FOXN3: variants seen among roughly 807,000 people sequenced by gnomAD.
FOXN3 encodes forkhead box protein N3.
Under a neutral mutation model 38.4 loss-of-function variants are expected in FOXN3, and 7 were observed. The ratio of observed to expected loss-of-function variants is 0.18; its 90% CI spans 0.10 to 0.34. The LOEUF (loss-of-function observed/expected upper bound fraction) is 0.34. FOXN3 is among the 10% of genes least tolerant of loss of function. The pLI is 1.00. For missense variants in FOXN3, 456 were observed against 613.4 expected (o/e 0.74, Z 2.71); for synonymous variants, 230 against 242.2 (o/e 0.95, Z 0.47).
chr14:89,416,653 A>G (rs1891739851), intron 1 of FOXN3, among the ~76,000 whole-genome samples: 1 of 152,090 alleles, frequency 6.6e-6, no homozygotes, highest in Non-Finnish European at 1.5e-5. Flanking sequence ...AGGCACCGGG[A>G]AGCAGCACGC....
At chr14:89,547,425 T>G (rs982340853) in intron 1 of FOXN3, among the ~76,000 whole-genome samples, 1 of 151,884 alleles carries the variant, frequency 6.6e-6, no homozygotes, top group Non-Finnish European at 1.5e-5. Context: ...TGGCTAATTG[T>G]TTTTTTGTTT....
intron 1 of FOXN3, among the ~76,000 whole-genome samples, chr14:89,474,496 C>A (rs1459486823): frequency 6.6e-6 from 1 of 152,152 alleles, no homozygotes; most frequent in African/African-American, 2.4e-5. Flanking sequence ...AAGAACTGTA[C>A]AAATAAAAGC....
At chr14:89,195,452 C>T (rs983133943) in intron 4 of FOXN3, among the ~76,000 whole-genome samples, 1 of 152,180 alleles carries the variant, frequency 6.6e-6, no homozygotes, top group African/African-American at 2.4e-5. Flanking sequence ...GATGCAGGCA[C>T]GCTATTGTGG....
chr14:89,345,457 T>C (rs995985196), intron 3 of FOXN3, among the ~76,000 whole-genome samples: 1 of 152,144 alleles, frequency 6.6e-6, no homozygotes, highest in African/African-American at 2.4e-5. Flanking sequence ...ATATTACTAA[T>C]AAGGCACTTG....
At chr14:89,510,757 C>A (rs1894040150) in intron 1 of FOXN3, among the ~76,000 whole-genome samples, 1 of 152,152 alleles carries the variant, frequency 6.6e-6, no homozygotes, top group African/African-American at 2.4e-5. Flanking sequence ...CCCTGGCCAA[C>A]ATGGTGAAAC....
At chr14:89,423,076 G>A (rs1891949351) in intron 1 of FOXN3, among the ~76,000 whole-genome samples, 3 of 152,304 alleles carry the variant, frequency 2.0e-5, no homozygotes, top group South Asian at 4.1e-4. Context: ...AAGAGTGGAG[G>A]GGACTGGGAA....
chr14:89,279,658 T>C (rs1383216666), intron 4 of FOXN3, among the ~76,000 whole-genome samples: 1 of 152,132 alleles, frequency 6.6e-6, no homozygotes, highest in African/African-American at 2.4e-5. Flanking sequence ...TTTTTGAGAG[T>C]GGAGGGACTT....
intron 1 of FOXN3, among the ~76,000 whole-genome samples, chr14:89,547,486 TG>T (rs547729564): frequency 1.3e-3 from 199 of 150,412 alleles, no homozygotes; most frequent in South Asian, 4.4e-3. Flanking sequence ...TTAGTAGAGA[TG>T]GGGTTTCACC....
intron 4 of FOXN3, among the ~76,000 whole-genome samples, chr14:89,232,593 T>C (rs912104985): frequency 5.9e-5 from 9 of 152,232 alleles, no homozygotes; most frequent in Non-Finnish European, 8.8e-5. Context: ...CCCAGAGTTG[T>C]GCAAACCATT....
At chr14:89,498,142 C>T (rs1021506601) in intron 1 of FOXN3, among the ~76,000 whole-genome samples, 10 of 151,272 alleles carry the variant, frequency 6.6e-5, no homozygotes, top group Non-Finnish European at 1.0e-4. Context: ...GGATATTTAT[C>T]CCTTATCAAA....
intron 4 of FOXN3, among the ~76,000 whole-genome samples, chr14:89,227,223 T>G (rs1884668943): frequency 2.0e-5 from 3 of 152,146 alleles, no homozygotes; most frequent in Non-Finnish European, 4.4e-5. Flanking sequence ...AGGAGGAATT[T>G]TAAGCTGTTC....
chr14:89,357,309 TA>T (rs1370832997), intron 2 of FOXN3, among the ~76,000 whole-genome samples: 3 of 151,568 alleles, frequency 2.0e-5, no homozygotes, highest in Non-Finnish European at 4.4e-5. Context: ...GTCTCTTTCT[TA>T]AAAAAAGGAG....
upstream of FOXN3, among the ~76,000 whole-genome samples, chr14:89,418,827 C>A (rs1017712425): frequency 4.6e-5 from 7 of 152,130 alleles, no homozygotes; most frequent in African/African-American, 1.7e-4. Flanking sequence ...GGTGCTTATT[C>A]TCCGCCAGAG....
intron 3 of FOXN3, among the ~76,000 whole-genome samples, chr14:89,318,160 C>CTT (rs200125351): frequency 1.5e-5 from 1 of 65,146 alleles, no homozygotes; most frequent in Non-Finnish European, 3.0e-5. Flanking sequence ...TCTTCTTCTT[C>CTT]TCTTTTTTTT....
At position 89,319,369 on chromosome 14, in the gene FOXN3, C is replaced by G. The variant is rs189569333; in HGVS notation, c.680+31303G>C. On this transcript the variant is annotated intron_variant, in intron 3 of 5. Transcript: ENST00000557258. ...CCAGAGGAACCCAGATGCAAGCCCC[C>G]ACCCAGGAAAGTCACACAGAATGCA... Among the ~76,000 whole-genome samples the G allele has an allele frequency of 1.1e-4, 17 of 152,248 alleles. No homozygotes were observed. The East Asian group carries it at 3.3e-3, about 29-fold the overall frequency.
At chr14:89,225,849 C>T (rs1884620346) in intron 4 of FOXN3, among the ~76,000 whole-genome samples, 1 of 152,068 alleles carries the variant, frequency 6.6e-6, no homozygotes, top group Admixed American at 6.5e-5. Flanking sequence ...ATCAGGCTCT[C>T]TGAAAGGGTT....
rs537087733 is a variant in FOXN3 at position 89,611,581 on chromosome 14, C to T, written c.-15+7447G>A. On this transcript the variant is annotated intron_variant, in intron 1 of 6. Coordinates refer to the FOXN3 transcript ENST00000345097. ...CAGCACTTTGGGAGGCCAAGGCGGGCGGATCACAAGGTCAGGAGATCGAGA... is the reference window on the plus strand; with the variant it reads ...CAGCACTTTGGGAGGCCAAGGCGGGTGGATCACAAGGTCAGGAGATCGAGA... Among the ~76,000 whole-genome samples the T allele has an allele frequency of 1.4e-3, 212 of 152,114 alleles. 1 individual carries two copies. The highest frequency in any genetic ancestry group is 4.4e-3 in the African/African-American group (184 of 41,510).
At chr14:89,326,684 G>A (rs1238397373) in intron 3 of FOXN3, among the ~76,000 whole-genome samples, 1 of 152,032 alleles carries the variant, frequency 6.6e-6, no homozygotes, top group Non-Finnish European at 1.5e-5. Context: ...ATAATGGCCA[G>A]AAATAGTAAA....
rs187650501 is a variant in FOXN3 at position 89,291,535 on chromosome 14, C to T, written c.681-10521G>A. The T allele has an allele frequency of 9.8e-3, 5,696 of 579,134 alleles. 69 individuals are homozygous for T. The highest frequency in any genetic ancestry group is 0.024 in the Middle Eastern group (50 of 2,066). 35.9% of individuals were successfully genotyped at this position (579,134 alleles called of 1,614,324 possible). On this transcript the variant is annotated intron_variant, in intron 3 of 5. Coordinates refer to ENST00000557258, the MANE Select transcript of FOXN3 (RefSeq NM_005197.4). Reference sequence around the variant, plus strand: ...GGGGCCTGTGGGACTCTGCAGACAGCGACTCCAGGCAGCTGACAGCCCACT... The same window carrying T: ...GGGGCCTGTGGGACTCTGCAGACAGTGACTCCAGGCAGCTGACAGCCCACT...
Sources: gnomAD v4.1 joint callset for allele counts (sites outside exome capture counted in the v4.1 genomes callset) on GRCh38, gnomAD v4.1.1 for gene constraint, MANE v1.5 for transcripts, NCBI Gene and HGNC (gene_info 2026-07-23, HGNC 2026-07-21) for gene names.